Variants in PRKAR1A observed in about 807,000 individuals in gnomAD.
PRKAR1A encodes the protein cAMP-dependent protein kinase type I-alpha regulatory subunit.
A neutral mutation model predicts 52.0 loss-of-function variants in PRKAR1A; 3 were observed. The observed-to-expected ratio is 0.06, with a 90% CI of 0.03 to 0.15. The LOEUF (loss-of-function observed/expected upper bound fraction) is 0.15, where lower values mean the gene tolerates loss of function less well. PRKAR1A is among the 10% of genes least tolerant of loss of function. PRKAR1A has a pLI of 1.00. For missense variants in PRKAR1A, 240 were observed against 477.4 expected (o/e 0.50, Z 4.63); for synonymous variants, 188 against 168.4 (o/e 1.12, Z -0.90).
intron 2 of PRKAR1A, among the ~76,000 whole-genome samples, chr17:68,521,305 C>T (rs147175362): frequency 2.5e-3 from 378 of 152,336 alleles, no homozygotes; most frequent in African/African-American, 8.6e-3. Context: ...TCATGGCTCA[C>T]TGCAGTCTCT....
chr17:68,449,189 A>G, the PRKAR1A span, among the ~76,000 whole-genome samples: 1 of 152,254 alleles, frequency 6.6e-6, no homozygotes, highest in South Asian at 2.1e-4. Flanking sequence ...GAATAGATAA[A>G]TCTGCATGGT....
intron 11 of PRKAR1A, chr17:68,542,785 C>T (rs879372417): frequency 2.1e-5 from 34 of 1,613,858 alleles, no homozygotes; most frequent in South Asian, 5.5e-5. Flanking sequence ...CCACTGTTGG[C>T]GGCACCCGTC....
the PRKAR1A span, among the ~76,000 whole-genome samples, chr17:68,438,197 T>C: frequency 6.6e-6 from 1 of 152,098 alleles, no homozygotes; most frequent in Non-Finnish European, 1.5e-5. Context: ...CATGCATAGC[T>C]ACGGGAGGAA....
chr17:68,522,134 T>G (rs531077629), intron 2 of PRKAR1A, among the ~76,000 whole-genome samples: 2 of 152,352 alleles, frequency 1.3e-5, no homozygotes, highest in South Asian at 4.1e-4. Context: ...ATCACATCAT[T>G]TCATTATTTG....
chr17:68,500,665 C>A, the PRKAR1A span, among the ~76,000 whole-genome samples: 18 of 151,960 alleles, frequency 1.2e-4, no homozygotes, highest in African/African-American at 4.1e-4. Context: ...AGGTGCCCAC[C>A]ACCACGCCCG....
the PRKAR1A span, among the ~76,000 whole-genome samples, chr17:68,443,721 C>T: frequency 2.0e-5 from 3 of 152,090 alleles, no homozygotes; most frequent in Non-Finnish European, 1.5e-5. Flanking sequence ...AGCAGTTGTT[C>T]AATGATACTA....
intron 11 of PRKAR1A, chr17:68,539,346 TG>T (rs866926047): frequency 2.6e-5 from 42 of 1,614,102 alleles, no homozygotes; most frequent in Non-Finnish European, 3.5e-5. Flanking sequence ...CATGCAGCAC[TG>T]GGAGAGAGGC....
chr17:68,518,127 C>A lies in PRKAR1A; in HGVS notation c.177+2551C>A, dbSNP rs183517970. On this transcript the variant is annotated intron_variant, in intron 2 of 10. Coordinates refer to ENST00000589228, the MANE Select transcript of PRKAR1A (RefSeq NM_002734.5). The stretch of plus-strand genomic sequence containing the variant: ...CTGTGGCTTTGCAGGGTACAGCCCC[C>A]CTCCTGGCTGCTTCCATGGGCAGGC... Among the ~76,000 whole-genome samples the A allele has an allele frequency of 1.7e-3, 266 of 152,366 alleles. 2 individuals carry two copies. Among genetic ancestry groups the A allele is most frequent in the Non-Finnish European group, 1.6e-3 (110 of 68,034 alleles).
chr17:68,435,051 C>G, the PRKAR1A span, among the ~76,000 whole-genome samples: 2 of 151,994 alleles, frequency 1.3e-5, no homozygotes, highest in Non-Finnish European at 2.9e-5. Context: ...CACTAAAATA[C>G]AAAAAATTAG....
At chr17:68,538,410 C>T (rs949304225), downstream of PRKAR1A, among the ~76,000 whole-genome samples, 2 of 152,226 alleles carry the variant, frequency 1.3e-5, no homozygotes, top group African/African-American at 4.8e-5. Context: ...TACTCATGCT[C>T]TACTCCGAGT....
chr17:68,478,176 G>A, the PRKAR1A span, among the ~76,000 whole-genome samples: 2 of 152,096 alleles, frequency 1.3e-5, no homozygotes, highest in Admixed American at 6.5e-5. Context: ...TTTCTTGGCC[G>A]GGTGTGGTGG....
At chr17:68,537,345 G>A (rs12942014), downstream of PRKAR1A, 5 of 1,192,814 alleles carry the variant, frequency 4.2e-6, no homozygotes, top group Admixed American at 9.0e-5. The surrounding 1 kb of genome is among the most constrained non-coding windows in gnomAD (Gnocchi z 4.2). Context: ...TGCTGTTTGA[G>A]AAAATGTCCT....
intron 2 of PRKAR1A, among the ~76,000 whole-genome samples, chr17:68,520,613 C>T (rs1411297985): frequency 6.6e-6 from 1 of 152,054 alleles, no homozygotes; most frequent in Non-Finnish European, 1.5e-5. Context: ...AGAAGGATGA[C>T]AACAGCAAGA....
intron 1 of PRKAR1A, chr17:68,514,975 T>A: frequency 3.7e-6 from 1 of 266,960 alleles, no homozygotes; most frequent in Non-Finnish European, 7.4e-6. Flanking sequence ...GCTGACTTGC[T>A]TTCGCTTACA....
At chr17:68,437,066 C>G in the PRKAR1A span, among the ~76,000 whole-genome samples, 1 of 143,738 alleles carries the variant, frequency 7.0e-6, no homozygotes, top group Non-Finnish European at 1.5e-5. Context: ...CATTTTACCC[C>G]AGGACTCTGA....
the PRKAR1A span, among the ~76,000 whole-genome samples, chr17:68,487,080 G>T: frequency 6.6e-6 from 1 of 152,008 alleles, no homozygotes; most frequent in African/African-American, 2.4e-5. Context: ...CACCATGTTA[G>T]CCAGGCTGGT....
chr17:68,495,961 T>TCTCCC, the PRKAR1A span, among the ~76,000 whole-genome samples: 2 of 80,410 alleles, frequency 2.5e-5, no homozygotes, highest in Admixed American at 1.6e-4. Flanking sequence ...TTTCCTCTCC[T>TCTCCC]CTCTCCTCTC....
the PRKAR1A span, among the ~76,000 whole-genome samples, chr17:68,452,289 G>A: frequency 4.6e-5 from 7 of 152,242 alleles, no homozygotes; most frequent in Non-Finnish European, 1.0e-4. Context: ...AGGTGGCTGG[G>A]TGAGGTGGCT....
intron 11 of PRKAR1A, chr17:68,540,829 GC>G: frequency 1.9e-6 from 3 of 1,579,502 alleles, no homozygotes; most frequent in Non-Finnish European, 2.6e-6. Flanking sequence ...TCTGCTGGGG[GC>G]CTGCGTGTGG....
Sources: gnomAD v4.1 joint callset for allele counts (sites outside exome capture counted in the v4.1 genomes callset) on GRCh38, gnomAD v4.1.1 for gene constraint, Gnocchi (gnomAD v3.1) non-coding constraint, MANE v1.5 for transcripts, NCBI Gene and HGNC (gene_info 2026-07-23, HGNC 2026-07-21) for gene names.